Variants in RBM17 observed in about 807,000 individuals in gnomAD.
RBM17 encodes the protein splicing factor 45.
In RBM17, 7 loss-of-function variants were observed where a neutral mutation model predicts 53.2. The ratio of observed to expected loss-of-function variants is 0.13; its 90% CI spans 0.07 to 0.25. RBM17 has a LOEUF of 0.25. Ranked by LOEUF, RBM17 falls within the 10% of genes least tolerant of loss-of-function variation. The pLI, the probability that RBM17 is intolerant of heterozygous loss-of-function variation, is 1.00. For synonymous variants in RBM17, 167 were observed against 178.1 expected, an observed-to-expected ratio of 0.94 and a Z score of 0.50; for missense variants, 257 against 496.7, an observed-to-expected ratio of 0.52 and a Z score of 4.59.
chr10:6,112,098 C>A lies in RBM17; in HGVS notation c.705-112C>A. The A allele has an allele frequency of 9.5e-7, 1 of 1,058,058 alleles. No homozygotes were observed. The highest frequency in any genetic ancestry group is 1.4e-6 in the Non-Finnish European group (1 of 724,158). The allele number at this position is 1,058,058 out of a possible 1,614,324, so 65.5% of individuals were successfully genotyped here. A position where few individuals can be genotyped will look rare whatever the true frequency, so the allele number is the denominator to read the frequency against. ...AGTTAATGAGTGACTTTGTTGAAGCCCCTGTGGAGCATGCACTCTCTCCAG... is the reference window on the plus strand; with the variant it reads ...AGTTAATGAGTGACTTTGTTGAAGCACCTGTGGAGCATGCACTCTCTCCAG... On this transcript the variant is annotated intron_variant, in intron 7 of 11. Coordinates refer to ENST00000379888, the MANE Select transcript of RBM17 (RefSeq NM_032905.5). This position sits in a 1 kb window ranked among gnomAD's most constrained non-coding sequence, Gnocchi z 4.4.
Position 6,112,081 on chromosome 10 carries a change from A to T in RBM17, c.705-129A>T. On this transcript the variant is annotated intron_variant, in intron 7 of 11. Coordinates refer to ENST00000379888, the MANE Select transcript of RBM17 (RefSeq NM_032905.5). This position sits in a 1 kb window ranked among gnomAD's most constrained non-coding sequence, Gnocchi z 4.4. ...TCTAATAGCCCACTCCTAGTTAATG[A>T]GTGACTTTGTTGAAGCCCCTGTGGA... 1 of 816,390 alleles carries T rather than the reference A, an allele frequency of 1.2e-6. No individual in the cohort carries two copies. Among genetic ancestry groups the T allele is most frequent in the Non-Finnish European group, 1.9e-6 (1 of 519,360 alleles). The allele number at this position is 816,390 out of a possible 1,614,324, so 50.6% of individuals were successfully genotyped here. A position where few individuals can be genotyped will look rare whatever the true frequency, so the allele number is the denominator to read the frequency against.
intron 5 of RBM17, 200 bp from the exon 6 acceptor site, chr10:6,108,486 G>A (rs1840788568): frequency 2.0e-6 from 1 of 493,864 alleles, no homozygotes; most frequent in Non-Finnish European, 3.7e-6. Flanking sequence ...GCATATCTGA[G>A]GGAGTGTTGC....
intron 5 of RBM17, among the ~76,000 whole-genome samples, chr10:6,106,561 TA>T (rs1455755272): frequency 6.6e-6 from 1 of 152,200 alleles, no homozygotes; most frequent in African/African-American, 2.4e-5. Context: ...TTGTTTCTCT[TA>T]GGGGGGAAGC....
intron 1 of RBM17, among the ~76,000 whole-genome samples, chr10:6,092,977 G>T (rs1382566588): frequency 6.6e-6 from 1 of 152,216 alleles, no homozygotes; most frequent in Non-Finnish European, 1.5e-5. Context: ...AATCAGAGGA[G>T]ATGTGTGGTC....
intron 7 of RBM17, among the ~76,000 whole-genome samples, chr10:6,110,505 C>G (rs1266732335): frequency 6.6e-6 from 1 of 152,134 alleles, no homozygotes; most frequent in African/African-American, 2.4e-5. Context: ...GGGCCATTTG[C>G]TTTCAGGTCA....
At chr10:6,093,170 T>A (rs1372283793) in intron 1 of RBM17, among the ~76,000 whole-genome samples, 1 of 152,078 alleles carries the variant, frequency 6.6e-6, no homozygotes, top group Non-Finnish European at 1.5e-5. Context: ...TCTCTGGGGG[T>A]TACTTCCTTC....
rs113979329 is a variant in RBM17 at position 6,112,574 on chromosome 10, A to G, written c.856+213A>G. 19 of 588,256 alleles carry G rather than the reference A, an allele frequency of 3.2e-5. 1 individual carries two copies. Among genetic ancestry groups the G allele is most frequent in the African/African-American group, 2.8e-4 (15 of 53,570 alleles). 36.4% of individuals were successfully genotyped at this position (588,256 alleles called of 1,614,324 possible). The stretch of plus-strand genomic sequence containing the variant: ...TGTGAAACCAGGAATCCTGAGGCTC[A>G]TCTTTATTTTTTCAGAACAGACGTA... On this transcript the variant is annotated intron_variant, in intron 8 of 11. Coordinates refer to ENST00000379888, the MANE Select transcript of RBM17 (RefSeq NM_032905.5). The surrounding 1 kb of genome is among the most constrained non-coding windows in gnomAD (Gnocchi z 4.4).
intron 1 of RBM17, among the ~76,000 whole-genome samples, chr10:6,093,259 G>A (rs1172976267): frequency 6.6e-6 from 1 of 151,924 alleles, no homozygotes; most frequent in African/African-American, 2.4e-5. Flanking sequence ...TATCATCCAG[G>A]CTGGAGTGCA....
At chr10:6,099,837 CACCTG>C (rs1458652469) in intron 2 of RBM17, among the ~76,000 whole-genome samples, 1 of 152,052 alleles carries the variant, frequency 6.6e-6, no homozygotes, top group African/African-American at 2.4e-5. Context: ...GCGGGTGGAT[CACCTG>C]AGGTCAGGAG....
rs578194201 is a variant in RBM17 at position 6,097,578 on chromosome 10, G to A, written c.123+390G>A. ...GCCAGCTACTCGGGAGGCTGAGGCA[G>A]GAGAATGGCGTGAACCCGGGAGGCA... is the stretch of plus-strand genomic sequence containing the variant. On this transcript the variant is annotated intron_variant, in intron 2 of 11. Transcript: ENST00000379888. Among the ~76,000 whole-genome samples the A allele has an allele frequency of 2.0e-5, 3 of 152,354 alleles. No homozygotes were observed. The South Asian group carries it at 6.2e-4, about 32-fold the overall frequency.
At position 6,112,442 on chromosome 10, in the gene RBM17, G is replaced by T. The variant is rs1025553374; in HGVS notation, c.856+81G>T. ...AGACATGGCCAGTCTTGATCCTCAT[G>T]TGTCAGCAGGGGGACAATGAGGCGT... On this transcript the variant is annotated intron_variant, in intron 8 of 11. Coordinates refer to ENST00000379888, the MANE Select transcript of RBM17 (RefSeq NM_032905.5). The surrounding 1 kb of genome is among the most constrained non-coding windows in gnomAD (Gnocchi z 4.4). 1.3e-6 allele frequency: 2 copies of T among 1,526,422 alleles called. No individual in the cohort carries two copies. The highest frequency in any genetic ancestry group is 1.8e-5 in the Admixed American group (1 of 55,888). The allele number at this position is 1,526,422 out of a possible 1,614,324, so 94.6% of individuals were successfully genotyped here.
chr10:6,097,734 A>G (rs145586532), intron 2 of RBM17, among the ~76,000 whole-genome samples: 27 of 152,350 alleles, frequency 1.8e-4, no homozygotes, highest in Non-Finnish European at 2.8e-4. Context: ...CTGCTTTTCA[A>G]ACTTAAGTAG....
chr10:6,106,918 G>T (rs1249593698), intron 5 of RBM17, among the ~76,000 whole-genome samples: 1 of 152,140 alleles, frequency 6.6e-6, no homozygotes, highest in African/African-American at 2.4e-5. Flanking sequence ...ATTTTAATGT[G>T]ATTAGTAGCA....
At chr10:6,110,196 A>G (rs1588350766) in intron 7 of RBM17, 69 bp downstream of exon 7, 1 of 1,414,466 alleles carries the variant, frequency 7.1e-7, no homozygotes, top group African/African-American at 1.4e-5. Flanking sequence ...CTTTCAATAG[A>G]TGCAGCTTGT....
chr10:6,108,595 G>T (rs546047328), intron 5 of RBM17, 91 bp from the exon 6 acceptor site: 28 of 953,602 alleles, frequency 2.9e-5, no homozygotes, highest in East Asian at 2.1e-4. Flanking sequence ...TTTTTCTTAG[G>T]GGGGTGGGTG....
intron 2 of RBM17, among the ~76,000 whole-genome samples, chr10:6,097,550 A>G (rs1316986993): frequency 2.0e-5 from 3 of 152,222 alleles, no homozygotes; most frequent in African/African-American, 7.2e-5. Context: ...GGGCACCTGT[A>G]CTGCCAGCTA....
rs972303125 is a variant in RBM17 at position 6,097,226 on chromosome 10, A to G, written c.123+38A>G. 4.4e-6 allele frequency: 7 copies of G among 1,602,370 alleles called. No homozygotes were observed. In the Admixed American group the frequency reaches 5.2e-5, roughly 12 times the overall value. On this transcript the variant is annotated intron_variant, in intron 2 of 11. Transcript: ENST00000379888. ...CCAGAGCATGAGAGCAGAGGCCTCC[A>G]GAGTGGGTTCCTCATTAGGATGACA...
At chr10:6,090,648 C>T (rs1840467867) in intron 1 of RBM17, among the ~76,000 whole-genome samples, 1 of 152,162 alleles carries the variant, frequency 6.6e-6, no homozygotes, top group Non-Finnish European at 1.5e-5. Flanking sequence ...CAGACCTCCT[C>T]CCAGCAGGGA....
At chr10:6,111,839 ATACT>A (rs1475033971) in intron 7 of RBM17, among the ~76,000 whole-genome samples, 4 of 152,138 alleles carry the variant, frequency 2.6e-5, no homozygotes, top group African/African-American at 7.2e-5. Context: ...ACGAAACTTC[ATACT>A]TACTTTTTGA....
Sources: gnomAD v4.1 joint callset for allele counts (sites outside exome capture counted in the v4.1 genomes callset) on GRCh38, gnomAD v4.1.1 for gene constraint, Gnocchi (gnomAD v3.1) non-coding constraint, MANE v1.5 for transcripts, NCBI Gene and HGNC (gene_info 2026-07-23, HGNC 2026-07-21) for gene names.